SUCLG2: variants seen among roughly 807,000 people sequenced by gnomAD.
SUCLG2 encodes the protein succinate--CoA ligase [GDP-forming] subunit beta, mitochondrial.
In SUCLG2, 42 loss-of-function variants were observed where a neutral mutation model predicts 47.9. The observed-to-expected ratio is 0.88, with a 90% CI of 0.69 to 1.14. SUCLG2 has a LOEUF of 1.14. Among genes scored for constraint, SUCLG2 ranks in the 50% most tolerant of loss-of-function variants. The pLI, the probability that SUCLG2 is intolerant of heterozygous loss-of-function variation, is 0.00. For synonymous variants in SUCLG2, 195 were observed against 197.3 expected, an observed-to-expected ratio of 0.99 and a Z score of 0.10; for missense variants, 571 against 525.9, an observed-to-expected ratio of 1.09 and a Z score of -0.84.
chr3:67,482,948 T>G (rs1160159920), intron 9 of SUCLG2, among the ~76,000 whole-genome samples: 5 of 152,156 alleles, frequency 3.3e-5, no homozygotes, highest in Admixed American at 3.3e-4. Context: ...AAAAAGGATG[T>G]GTCCAGAATA....
At chr3:67,509,841 A>T (rs777440885) in intron 6 of SUCLG2, among the ~76,000 whole-genome samples, 2 of 152,186 alleles carry the variant, frequency 1.3e-5, no homozygotes, top group Non-Finnish European at 2.9e-5. Context: ...ATCCGTTTTC[A>T]GTTCTCCAAC....
intron 6 of SUCLG2, among the ~76,000 whole-genome samples, chr3:67,510,016 C>CA (rs1267658785): frequency 6.6e-6 from 1 of 152,184 alleles, no homozygotes; most frequent in Admixed American, 6.5e-5. Context: ...TCTATCTGGG[C>CA]AGCACCTCCT....
At chr3:67,376,408 T>C in intron 10 of SUCLG2, 1 of 985,422 alleles carries the variant, frequency 1.0e-6, no homozygotes, top group Non-Finnish European at 1.2e-6. Flanking sequence ...TCCTGGTGGA[T>C]CTGGAGTATC....
chr3:67,585,551 C>T (rs1707992781), intron 2 of SUCLG2, among the ~76,000 whole-genome samples: 2 of 152,186 alleles, frequency 1.3e-5, no homozygotes, highest in Admixed American at 1.3e-4. Flanking sequence ...CTGTCTCCAG[C>T]TGCCACTGGA....
chr3:67,496,612 T>C (rs572089072), intron 8 of SUCLG2, among the ~76,000 whole-genome samples: 1 of 152,280 alleles, frequency 6.6e-6, no homozygotes, highest in Non-Finnish European at 1.5e-5. Context: ...ATATAAGCAA[T>C]GCTCACCAGC....
intron 6 of SUCLG2, among the ~76,000 whole-genome samples, chr3:67,517,662 T>C (rs1466842994): frequency 1.3e-5 from 2 of 152,216 alleles, no homozygotes; most frequent in African/African-American, 4.8e-5. Flanking sequence ...GGGATATTAT[T>C]ACAAAATTGG....
chr3:67,515,202 T>G lies in SUCLG2; in HGVS notation c.660+3045A>C, dbSNP rs143836810. Among the ~76,000 whole-genome samples the G allele has an allele frequency of 1.6e-3, 241 of 152,328 alleles. 2 individuals carry two copies. The highest frequency in any genetic ancestry group is 5.5e-3 in the African/African-American group (227 of 41,570). Reference sequence around the variant, plus strand: ...GTTCTATTTCATACTGTTGTTAATATCTTACTGTACCTAATTTATAAGTCA... The same window carrying G: ...GTTCTATTTCATACTGTTGTTAATAGCTTACTGTACCTAATTTATAAGTCA... On this transcript the variant is annotated intron_variant, in intron 6 of 10. Coordinates refer to ENST00000307227, the MANE Select transcript of SUCLG2 (RefSeq NM_003848.4).
chr3:67,389,056 G>A (rs1575662920), intron 10 of SUCLG2, among the ~76,000 whole-genome samples: 1 of 152,182 alleles, frequency 6.6e-6, no homozygotes, highest in East Asian at 1.9e-4. Context: ...GCAGCAATAT[G>A]TTACGGCTAA....
intron 9 of SUCLG2, among the ~76,000 whole-genome samples, chr3:67,468,789 T>C (rs1018713129): frequency 2.6e-5 from 4 of 152,190 alleles, no homozygotes; most frequent in Non-Finnish European, 5.9e-5. Context: ...AGTGATAAAC[T>C]GCTGTTTTTA....
chr3:67,555,497 C>T (rs1204739410), intron 2 of SUCLG2, among the ~76,000 whole-genome samples: 2 of 152,082 alleles, frequency 1.3e-5, no homozygotes. Context: ...TTTCTAAATA[C>T]AATCTTTCCC....
At chr3:67,388,876 T>C (rs1223504429) in intron 10 of SUCLG2, among the ~76,000 whole-genome samples, 6 of 152,030 alleles carry the variant, frequency 3.9e-5, no homozygotes, top group South Asian at 2.1e-4. Flanking sequence ...TAGGTAAGAA[T>C]TGAATCATTG....
At chr3:67,492,883 C>T (rs1184323566) in intron 9 of SUCLG2, among the ~76,000 whole-genome samples, 1 of 152,176 alleles carries the variant, frequency 6.6e-6, no homozygotes, top group African/African-American at 2.4e-5. Context: ...TGACTGACAT[C>T]ATGAGTGGAA....
intron 4 of SUCLG2, among the ~76,000 whole-genome samples, chr3:67,522,668 T>G (rs1706141217): frequency 6.6e-6 from 1 of 150,460 alleles, no homozygotes; most frequent in Non-Finnish European, 1.5e-5. Context: ...TTTCTTTTTT[T>G]TTTTTTTTTT....
chr3:67,542,516 A>G lies in SUCLG2; in HGVS notation c.227-13330T>C, dbSNP rs539886446. On this transcript the variant is annotated intron_variant, in intron 2 of 10. Transcript: ENST00000307227. ...AAATGTAAATGAGGTAAATGCCCCA[A>G]TTAAAAGACACAGGCTGGCACACTG... 1.2e-4 allele frequency among the ~76,000 whole-genome samples: 19 copies of G among 152,284 alleles called. No homozygotes were observed. The East Asian group carries it at 3.7e-3, about 29-fold the overall frequency.
At chr3:67,411,726 T>C (rs1248411511) in intron 9 of SUCLG2, among the ~76,000 whole-genome samples, 2 of 152,186 alleles carry the variant, frequency 1.3e-5, no homozygotes, top group African/African-American at 2.4e-5. Flanking sequence ...CACCTTTTGT[T>C]CATTCCAGTA....
chr3:67,440,268 C>T (rs1389472992), intron 9 of SUCLG2, among the ~76,000 whole-genome samples: 1 of 152,090 alleles, frequency 6.6e-6, no homozygotes, highest in Non-Finnish European at 1.5e-5. Flanking sequence ...GACCTAAAAC[C>T]ATAAAAACCT....
intron 7 of SUCLG2, among the ~76,000 whole-genome samples, chr3:67,501,050 A>T (rs1705482327): frequency 6.6e-6 from 1 of 152,210 alleles, no homozygotes; most frequent in South Asian, 2.1e-4. Flanking sequence ...CTTTGCAGTT[A>T]ACCCAGAGCT....
At chr3:67,591,964 CA>C in intron 2 of SUCLG2, among the ~76,000 whole-genome samples, 1 of 152,216 alleles carries the variant, frequency 6.6e-6, no homozygotes, top group East Asian at 1.9e-4. Context: ...ATAATAACAG[CA>C]ATAATAATAA....
At chr3:67,495,357 T>C (rs1426220639) in intron 9 of SUCLG2, among the ~76,000 whole-genome samples, 1 of 152,168 alleles carries the variant, frequency 6.6e-6, no homozygotes, top group Non-Finnish European at 1.5e-5. Flanking sequence ...CAATGTGATA[T>C]AAGACAGAAG....
Sources: allele counts gnomAD v4.1 joint callset (sites outside exome capture counted in the v4.1 genomes callset), GRCh38; gene constraint gnomAD v4.1.1; transcripts MANE v1.5; gene names NCBI Gene and HGNC (gene_info 2026-07-23, HGNC 2026-07-21).